PTPRD: variants seen among roughly 807,000 people sequenced by gnomAD.
PTPRD encodes the protein receptor-type tyrosine-protein phosphatase delta.
A neutral mutation model predicts 214.5 loss-of-function variants in PTPRD; 34 were observed. That is an observed-to-expected ratio of 0.16 (90% confidence interval 0.12 to 0.21). PTPRD has a LOEUF of 0.21. Ranked by LOEUF, PTPRD falls within the 10% of genes least tolerant of loss-of-function variation. PTPRD has a pLI of 1.00. For synonymous variants in PTPRD, 1,128 were observed against 845.7 expected (o/e 1.33, Z -5.79); for missense variants, 2,545 against 2,398.7 (o/e 1.06, Z -1.27).
intron 7 of PTPRD, among the ~76,000 whole-genome samples, chr9:9,625,973 T>C (rs2095413581): frequency 6.6e-6 from 1 of 152,156 alleles, no homozygotes; most frequent in Non-Finnish European, 1.5e-5. Context: ...TTGCTGCAAC[T>C]ACTGAGTTCT....
At chr9:8,458,519 A>G (rs1195320629) in intron 33 of PTPRD, among the ~76,000 whole-genome samples, 1 of 152,162 alleles carries the variant, frequency 6.6e-6, no homozygotes, top group Admixed American at 6.5e-5. Flanking sequence ...ACCTACTCCC[A>G]TAGTAGTATG....
chr9:8,450,222 G>A (rs1322703383), intron 33 of PTPRD, among the ~76,000 whole-genome samples: 1 of 152,088 alleles, frequency 6.6e-6, no homozygotes, highest in East Asian at 1.9e-4. Flanking sequence ...TAAGACTGTT[G>A]TTACCATAGA....
chr9:9,981,481 A>C (rs895755818), intron 4 of PTPRD, among the ~76,000 whole-genome samples: 1 of 151,278 alleles, frequency 6.6e-6, no homozygotes, highest in African/African-American at 2.4e-5. Context: ...GAGCCTCCCG[A>C]GTAGCTGGGA....
intron 5 of PTPRD, among the ~76,000 whole-genome samples, chr9:9,908,082 A>C (rs116524077): frequency 0.62 from 94,223 of 150,818 alleles, 30,374 homozygotes; most frequent in Non-Finnish European, 0.73. Flanking sequence ...ATTAAGACAA[A>C]AAAAAAAATC....
At chr9:9,298,052 G>A (rs1953778836) in intron 9 of PTPRD, among the ~76,000 whole-genome samples, 1 of 151,730 alleles carries the variant, frequency 6.6e-6, no homozygotes, top group African/African-American at 2.4e-5. Flanking sequence ...TAAAATGTGA[G>A]AGACAATGGA....
chr9:9,517,429 A>C (rs1314812942), intron 8 of PTPRD, among the ~76,000 whole-genome samples: 2 of 152,126 alleles, frequency 1.3e-5, no homozygotes, highest in African/African-American at 4.8e-5. Context: ...AGGCAAAAAC[A>C]CTGAGACGAG....
intron 5 of PTPRD, among the ~76,000 whole-genome samples, chr9:9,883,364 C>T (rs912027521): frequency 3.3e-5 from 5 of 151,958 alleles, no homozygotes; most frequent in African/African-American, 7.3e-5. Context: ...GTAGAACAGG[C>T]TGTAGGGAAA....
intron 3 of PTPRD, among the ~76,000 whole-genome samples, chr9:10,228,364 C>G (rs1159878239): frequency 6.6e-6 from 1 of 151,974 alleles, no homozygotes; most frequent in African/African-American, 2.4e-5. Flanking sequence ...GGTCCCACAT[C>G]CACAGGATAT....
Position 9,424,138 on chromosome 9 carries a change from C to T in PTPRD, c.-236-26656G>A, listed in dbSNP as rs2079898770. 1.3e-5 allele frequency among the ~76,000 whole-genome samples: 2 copies of T among 152,214 alleles called. 1 individual carries two copies. Among genetic ancestry groups the T allele is most frequent in the South Asian group, 4.1e-4 (2 of 4,834 alleles). ...TGCAATGACATGAAGATCTGGACCACTTGAAGGGACATCCTAGCTCCAGAG... is the reference window on the plus strand; with the variant it reads ...TGCAATGACATGAAGATCTGGACCATTTGAAGGGACATCCTAGCTCCAGAG... On this transcript the variant is annotated intron_variant, in intron 8 of 45. Coordinates refer to ENST00000381196, the MANE Select transcript of PTPRD (RefSeq NM_002839.4).
At chr9:8,819,245 T>C (rs755842138) in intron 11 of PTPRD, among the ~76,000 whole-genome samples, 1 of 152,204 alleles carries the variant, frequency 6.6e-6, no homozygotes, top group East Asian at 1.9e-4. Flanking sequence ...CTTGACATGC[T>C]TGAATAAATA....
chr9:9,929,250 G>A (rs975040758), intron 5 of PTPRD, among the ~76,000 whole-genome samples: 4 of 152,162 alleles, frequency 2.6e-5, no homozygotes, highest in Non-Finnish European at 5.9e-5. Flanking sequence ...CAATTAAAAT[G>A]CTTATATTCA....
chr9:8,324,079 G>A (rs371466391), intron 44 of PTPRD, among the ~76,000 whole-genome samples: 74 of 151,718 alleles, frequency 4.9e-4, no homozygotes, highest in Admixed American at 1.6e-3. Context: ...AAAACTTACC[G>A]GAGGCTCAGA....
At chr9:9,800,230 G>A (rs1180746224) in intron 5 of PTPRD, among the ~76,000 whole-genome samples, 1 of 152,150 alleles carries the variant, frequency 6.6e-6, no homozygotes, top group East Asian at 1.9e-4. Context: ...AGCTACTCCA[G>A]AGACTGAGGC....
At chr9:8,573,758 G>C (rs1456404183) in intron 14 of PTPRD, among the ~76,000 whole-genome samples, 2 of 151,708 alleles carry the variant, frequency 1.3e-5, no homozygotes, top group African/African-American at 4.8e-5. Flanking sequence ...AGTATTTATG[G>C]AACATTACTC....
chr9:8,576,983 A>C (rs1594317195), intron 14 of PTPRD, among the ~76,000 whole-genome samples: 1 of 152,124 alleles, frequency 6.6e-6, no homozygotes, highest in African/African-American at 2.4e-5. Context: ...CAGTACTAAA[A>C]CCCTCCAATC....
Position 8,499,782 on chromosome 9 carries a change from T to C in PTPRD, c.2187A>G (p.Lys729=). The C allele has an allele frequency of 1.2e-6, 2 of 1,613,896 alleles. No individual in the cohort carries two copies. The highest frequency in any genetic ancestry group is 2.2e-5 in the South Asian group (2 of 91,032). The part of the protein sequence containing the change: ...EVEAVNSTSV[K]VSWRSPVPNK... ...TGGGCACGGGTGAGCGCCATGAGAC[T>C]TTAACAGATGTTGAGTTGACAGCCT... Residue 729 remains lysine (K), a synonymous_variant, in exon 25 of 46, where the codon AAA becomes AAG. Coordinates refer to ENST00000381196, the MANE Select transcript of PTPRD (RefSeq NM_002839.4).
chr9:10,163,436 C>T (rs911821797), intron 3 of PTPRD, among the ~76,000 whole-genome samples: 11 of 151,530 alleles, frequency 7.3e-5, no homozygotes, highest in African/African-American at 2.4e-4. Flanking sequence ...TCTTATGTGA[C>T]TATACTCACT....
At chr9:8,887,589 T>C (rs1395277600) in intron 11 of PTPRD, among the ~76,000 whole-genome samples, 1 of 152,160 alleles carries the variant, frequency 6.6e-6, no homozygotes, top group African/African-American at 2.4e-5. Flanking sequence ...AAATCACATC[T>C]CTCCTGTAGG....
intron 5 of PTPRD, among the ~76,000 whole-genome samples, chr9:9,839,331 G>C (rs1451594503): frequency 2.6e-5 from 4 of 152,074 alleles, no homozygotes; most frequent in Non-Finnish European, 5.9e-5. Context: ...ATCTCCTTAA[G>C]CTGATAAGCA....
Sources: allele counts gnomAD v4.1 joint callset (sites outside exome capture counted in the v4.1 genomes callset), GRCh38; gene constraint gnomAD v4.1.1; transcripts MANE v1.5; gene names NCBI Gene and HGNC (gene_info 2026-07-23, HGNC 2026-07-21).